Variants in PLEKHM3 observed in about 807,000 individuals in gnomAD.
The protein encoded by PLEKHM3 is pleckstrin homology domain-containing family M member 3.
A neutral mutation model predicts 81.8 loss-of-function variants in PLEKHM3; 45 were observed. The ratio of observed to expected loss-of-function variants is 0.55; its 90% confidence interval spans 0.43 to 0.71. The LOEUF (loss-of-function observed/expected upper bound fraction) is 0.71. Ranked by LOEUF, PLEKHM3 falls within the 30% of genes least tolerant of loss-of-function variation. The pLI, the probability that PLEKHM3 is intolerant of heterozygous loss-of-function variation, is 0.00. For missense variants in PLEKHM3, 788 were observed against 924.3 expected, an observed-to-expected ratio of 0.85 and a Z score of 1.91; for synonymous variants, 352 against 356.4, an observed-to-expected ratio of 0.99 and a Z score of 0.14.
chr2:207,983,494 C>A (rs532995203), intron 2 of PLEKHM3, among the ~76,000 whole-genome samples: 1 of 151,966 alleles, frequency 6.6e-6, no homozygotes, highest in Non-Finnish European at 1.5e-5. Flanking sequence ...CAGAGTATCA[C>A]CATTTCCCCA....
chr2:207,915,088 T>G (rs1486728270), intron 5 of PLEKHM3, among the ~76,000 whole-genome samples: 2 of 152,208 alleles, frequency 1.3e-5, no homozygotes, highest in East Asian at 3.9e-4. Context: ...TAGAAGATCA[T>G]GAAAACCAAC....
intron 7 of PLEKHM3, among the ~76,000 whole-genome samples, chr2:207,841,102 C>G (rs914425855): frequency 1.3e-5 from 2 of 151,806 alleles, no homozygotes; most frequent in Non-Finnish European, 2.9e-5. Context: ...TACAGACGCC[C>G]GGACAACTCT....
At chr2:207,936,254 G>A (rs1485455453) in intron 4 of PLEKHM3, among the ~76,000 whole-genome samples, 1 of 152,132 alleles carries the variant, frequency 6.6e-6, no homozygotes, top group Admixed American at 6.5e-5. Flanking sequence ...TTATAGGCAC[G>A]AGCCACTGCG....
intron 5 of PLEKHM3, among the ~76,000 whole-genome samples, chr2:207,919,138 C>T (rs746474463): frequency 4.0e-5 from 6 of 148,698 alleles, no homozygotes; most frequent in Admixed American, 6.7e-5. Flanking sequence ...AGAAACAAAA[C>T]GATAAAAAAA....
At chr2:207,916,604 TG>T (rs1689000761) in intron 5 of PLEKHM3, among the ~76,000 whole-genome samples, 1 of 151,890 alleles carries the variant, frequency 6.6e-6, no homozygotes, top group African/African-American at 2.4e-5. Flanking sequence ...AAAAATTAGC[TG>T]GGTATGGTGG....
intron 6 of PLEKHM3, among the ~76,000 whole-genome samples, chr2:207,880,391 A>G (rs2105848180): frequency 6.9e-6 from 1 of 145,648 alleles, no homozygotes; most frequent in Admixed American, 6.9e-5. Flanking sequence ...TGGGCGACAG[A>G]GTGAGACTCT....
At chr2:207,989,151 T>C (rs1215522003) in intron 2 of PLEKHM3, among the ~76,000 whole-genome samples, 1 of 152,196 alleles carries the variant, frequency 6.6e-6, no homozygotes, top group African/African-American at 2.4e-5. Flanking sequence ...TCCATAAATA[T>C]TGTTGACTGT....
chr2:208,014,956 A>C (rs930644784), intron 1 of PLEKHM3, among the ~76,000 whole-genome samples: 1 of 152,234 alleles, frequency 6.6e-6, no homozygotes, highest in Non-Finnish European at 1.5e-5. Context: ...ATGTGGATGG[A>C]CACATTTTAA....
chr2:208,004,252 T>TA (rs1445871803), intron 1 of PLEKHM3, among the ~76,000 whole-genome samples: 1 of 151,766 alleles, frequency 6.6e-6, no homozygotes, highest in African/African-American at 2.4e-5. Flanking sequence ...TCATCTCTGC[T>TA]AAAAATACAA....
At chr2:208,009,370 T>C (rs1692610739) in intron 1 of PLEKHM3, among the ~76,000 whole-genome samples, 1 of 152,188 alleles carries the variant, frequency 6.6e-6, no homozygotes, top group Non-Finnish European at 1.5e-5. Context: ...GGGTCCCTGA[T>C]CCTAAAATGG....
chr2:207,864,248 T>A (rs2092483814), intron 6 of PLEKHM3, among the ~76,000 whole-genome samples: 1 of 152,194 alleles, frequency 6.6e-6, no homozygotes, highest in South Asian at 2.1e-4. Context: ...AGACCTTCTT[T>A]TATTTATGTT....
intron 7 of PLEKHM3, among the ~76,000 whole-genome samples, chr2:207,850,190 T>G (rs2092405289): frequency 6.6e-6 from 1 of 151,734 alleles, no homozygotes; most frequent in African/African-American, 2.4e-5. Context: ...CCTCATCACC[T>G]CTTAAAGGCA....
At chr2:207,922,772 A>T (rs1459955342) in intron 5 of PLEKHM3, among the ~76,000 whole-genome samples, 1 of 151,764 alleles carries the variant, frequency 6.6e-6, no homozygotes, top group Non-Finnish European at 1.5e-5. Context: ...AGATCGTGCC[A>T]CTGCACTCCA....
chr2:208,021,073 A>C (rs578106406), intron 1 of PLEKHM3, among the ~76,000 whole-genome samples: 90 of 152,340 alleles, frequency 5.9e-4, no homozygotes, highest in South Asian at 1.4e-3. Flanking sequence ...TTCAAGTCTT[A>C]AGCAAAGGCT....
intron 1 of PLEKHM3, among the ~76,000 whole-genome samples, chr2:208,002,816 G>A (rs951763358): frequency 6.6e-5 from 10 of 151,758 alleles, no homozygotes; most frequent in Admixed American, 5.9e-4. Flanking sequence ...TAGCCATTAT[G>A]ACCATTCAAA....
intron 6 of PLEKHM3, among the ~76,000 whole-genome samples, chr2:207,875,841 C>A (rs139186325): frequency 6.6e-6 from 1 of 152,100 alleles, no homozygotes; most frequent in African/African-American, 2.4e-5. Flanking sequence ...ACAACAACAA[C>A]AAAACAGGTT....
intron 3 of PLEKHM3, among the ~76,000 whole-genome samples, chr2:207,971,390 G>A (rs540871680): frequency 2.0e-5 from 3 of 152,010 alleles, no homozygotes; most frequent in Admixed American, 1.3e-4. Context: ...ACAATAATAC[G>A]TAGTTTCAAA....
At position 207,995,821 on chromosome 2, in the gene PLEKHM3, T is replaced by A. The variant is rs76618221; in HGVS notation, c.610+5209A>T. Reference sequence around the variant, plus strand: ...TTGGCTTTGATAGTAATAAACAAACTGTTAATCTGGTTCATGTATTCTTCT... The same window carrying A: ...TTGGCTTTGATAGTAATAAACAAACAGTTAATCTGGTTCATGTATTCTTCT... On this transcript the variant is annotated intron_variant, in intron 2 of 7. Coordinates refer to ENST00000427836, the MANE Select transcript of PLEKHM3 (RefSeq NM_001080475.3). 2.1e-3 allele frequency among the ~76,000 whole-genome samples: 317 copies of A among 152,336 alleles called. 2 individuals are homozygous for A. The highest frequency in any genetic ancestry group is 7.4e-3 in the African/African-American group (308 of 41,584).
chr2:207,882,995 A>C (rs1485560942), intron 6 of PLEKHM3, among the ~76,000 whole-genome samples: 1 of 151,946 alleles, frequency 6.6e-6, no homozygotes, highest in Non-Finnish European at 1.5e-5. Flanking sequence ...TGATCCACCC[A>C]CCTTGGCCTC....
Sources: gnomAD v4.1 joint callset for allele counts (sites outside exome capture counted in the v4.1 genomes callset) on GRCh38, gnomAD v4.1.1 for gene constraint, MANE v1.5 for transcripts, NCBI Gene and HGNC (gene_info 2026-07-23, HGNC 2026-07-21) for gene names.